HSPA12A: variants seen among roughly 807,000 people sequenced by gnomAD.
HSPA12A encodes heat shock protein family A (Hsp70) member 12A, also known as heat shock 70 kDa protein 12A.
Under a neutral mutation model 69.2 loss-of-function variants are expected in HSPA12A, and 28 were observed. That is an observed-to-expected ratio of 0.40 (90% CI 0.30 to 0.55). The LOEUF (loss-of-function observed/expected upper bound fraction) is 0.55, where lower values mean the gene tolerates loss of function less well. HSPA12A is among the 20% of genes least tolerant of loss of function. The pLI is 0.38. For synonymous variants in HSPA12A, 345 were observed against 370.5 expected (o/e 0.93, Z 0.79); for missense variants, 686 against 900.7 (o/e 0.76, Z 3.05).
intron 2 of HSPA12A, among the ~76,000 whole-genome samples, chr10:116,802,422 C>A (rs1015163353): frequency 2.0e-5 from 3 of 152,276 alleles, no homozygotes; most frequent in Admixed American, 2.0e-4. Flanking sequence ...TCTATATACA[C>A]GTGCACCATA....
intron 2 of HSPA12A, among the ~76,000 whole-genome samples, chr10:116,805,232 C>CGTGA (rs1185375561): frequency 6.6e-6 from 1 of 152,092 alleles, no homozygotes; most frequent in Non-Finnish European, 1.5e-5. Flanking sequence ...AGGAGAATGG[C>CGTGA]GTGAACCCGG....
chr10:116,790,780 T>C (rs1211199974), intron 2 of HSPA12A, among the ~76,000 whole-genome samples: 1 of 152,072 alleles, frequency 6.6e-6, no homozygotes, highest in East Asian at 1.9e-4. Flanking sequence ...AACCTTTGCC[T>C]CCCAGGTTCA....
At chr10:116,812,882 G>T (rs1845219965) in intron 2 of HSPA12A, among the ~76,000 whole-genome samples, 1 of 152,118 alleles carries the variant, frequency 6.6e-6, no homozygotes, top group Non-Finnish European at 1.5e-5. Context: ...TTGCAGGGCT[G>T]GGATTCCTCT....
chr10:116,739,707 C>A (rs1362954898), intron 1 of HSPA12A, among the ~76,000 whole-genome samples: 1 of 152,202 alleles, frequency 6.6e-6, no homozygotes, highest in Non-Finnish European at 1.5e-5. Context: ...GTCCAACACC[C>A]AGACCCTCAA....
intron 2 of HSPA12A, among the ~76,000 whole-genome samples, chr10:116,750,962 G>C (rs1354084957): frequency 6.6e-6 from 1 of 151,806 alleles, no homozygotes; most frequent in Non-Finnish European, 1.5e-5. Flanking sequence ...GACAGAGCAA[G>C]ATGAAGAAAG....
intron 1 of HSPA12A, among the ~76,000 whole-genome samples, chr10:116,842,847 C>G (rs1845825121): frequency 6.6e-6 from 1 of 152,198 alleles, no homozygotes; most frequent in African/African-American, 2.4e-5. Flanking sequence ...CCTGCCTCAG[C>G]CTCCCAAAGT....
chr10:116,737,931 C>T (rs1238455991), intron 1 of HSPA12A, among the ~76,000 whole-genome samples: 8 of 152,196 alleles, frequency 5.3e-5, no homozygotes, highest in Admixed American at 3.9e-4. Flanking sequence ...GTCGTCTCCT[C>T]GCTGGCCCCG....
chr10:116,703,340 T>C (rs1338820150), intron 3 of HSPA12A, among the ~76,000 whole-genome samples: 3 of 152,166 alleles, frequency 2.0e-5, no homozygotes, highest in Non-Finnish European at 4.4e-5. Context: ...TTATTATGAC[T>C]TGTGCTTTAC....
At chr10:116,703,702 G>A (rs1554881888) in intron 3 of HSPA12A, among the ~76,000 whole-genome samples, 1 of 152,206 alleles carries the variant, frequency 6.6e-6, no homozygotes, top group African/African-American at 2.4e-5. Context: ...GGCTTCCAAA[G>A]ATTCGAGGAG....
chr10:116,677,465 T>C (rs1337862858), intron 10 of HSPA12A, among the ~76,000 whole-genome samples: 2 of 152,246 alleles, frequency 1.3e-5, no homozygotes, highest in African/African-American at 4.8e-5. Flanking sequence ...CATGGCTGGC[T>C]GCAGCCTGTT....
intron 6 of HSPA12A, among the ~76,000 whole-genome samples, chr10:116,687,767 C>T (rs17095109): frequency 0.032 from 4,816 of 152,296 alleles, 263 homozygotes; most frequent in African/African-American, 0.11. Flanking sequence ...CACTCTCCGT[C>T]TTTGCTAATT....
chr10:116,790,856 A>G (rs1844688368), intron 2 of HSPA12A, among the ~76,000 whole-genome samples: 2 of 151,850 alleles, frequency 1.3e-5, no homozygotes, highest in South Asian at 2.1e-4. Context: ...ACACACACCT[A>G]ATTTTTGTAT....
chr10:116,744,893 G>T (rs953435817), upstream of HSPA12A, among the ~76,000 whole-genome samples: 1 of 152,144 alleles, frequency 6.6e-6, no homozygotes, highest in African/African-American at 2.4e-5. Flanking sequence ...TTCCTCCCTG[G>T]AGTCTTCTTC....
intron 2 of HSPA12A, among the ~76,000 whole-genome samples, chr10:116,821,447 G>A (rs1452544331): frequency 6.6e-6 from 1 of 152,124 alleles, no homozygotes; most frequent in Non-Finnish European, 1.5e-5. Context: ...GGCCTCCCCA[G>A]AACCCCTATT....
At chr10:116,760,106 A>G (rs543786394) in intron 2 of HSPA12A, among the ~76,000 whole-genome samples, 4 of 152,340 alleles carry the variant, frequency 2.6e-5, no homozygotes, top group Non-Finnish European at 4.4e-5. Flanking sequence ...TCATTCTGCC[A>G]GAGCAGCACC....
At chr10:116,751,762 A>G (rs1177277906) in intron 2 of HSPA12A, among the ~76,000 whole-genome samples, 1 of 152,150 alleles carries the variant, frequency 6.6e-6, no homozygotes, top group Non-Finnish European at 1.5e-5. Flanking sequence ...GTTTGGGTCA[A>G]GGGGACAGGT....
intron 2 of HSPA12A, among the ~76,000 whole-genome samples, chr10:116,766,642 GA>G (rs782592714): frequency 6.6e-6 from 1 of 152,098 alleles, no homozygotes; most frequent in African/African-American, 2.4e-5. Flanking sequence ...AATTAACCCA[GA>G]TTGTCATTTC....
chr10:116,691,576 C>T (rs562338003), intron 6 of HSPA12A, among the ~76,000 whole-genome samples: 48 of 152,312 alleles, frequency 3.2e-4, no homozygotes, highest in Non-Finnish European at 4.9e-4. Flanking sequence ...AGGCCCCAGG[C>T]GTGGGTGTTC....
At chr10:116,771,204 A>C (rs916751998) in intron 2 of HSPA12A, among the ~76,000 whole-genome samples, 1 of 152,230 alleles carries the variant, frequency 6.6e-6, no homozygotes, top group Admixed American at 6.5e-5. Context: ...TGCCTCCAAC[A>C]TAGGGCCTGA....
Sources: allele counts gnomAD v4.1 joint callset (sites outside exome capture counted in the v4.1 genomes callset), GRCh38; gene constraint gnomAD v4.1.1; transcripts MANE v1.5; gene names NCBI Gene and HGNC (gene_info 2026-07-23, HGNC 2026-07-21).